SLC45A4: variants seen among roughly 807,000 people sequenced by gnomAD.
SLC45A4 encodes polyamine-transporter SLC45A4.
SLC45A4 carries 32 observed loss-of-function variants against 63.7 expected under a neutral mutation model. The ratio of observed to expected loss-of-function variants is 0.50; its 90% CI spans 0.38 to 0.67. SLC45A4 has a LOEUF of 0.67. Ranked by LOEUF, SLC45A4 falls within the 30% of genes least tolerant of loss-of-function variation. The probability of loss-of-function intolerance (pLI) is 0.00; values close to 1 mark genes in which losing one functional copy is unlikely to be tolerated. For synonymous variants in SLC45A4, 535 were observed against 510.0 expected, an observed-to-expected ratio of 1.05 and a Z score of -0.66; for missense variants, 1,027 against 1,157.7, an observed-to-expected ratio of 0.89 and a Z score of 1.64.
At chr8:141,283,959 A>AT (rs1830050945) in intron 1 of SLC45A4, among the ~76,000 whole-genome samples, 1 of 152,204 alleles carries the variant, frequency 6.6e-6, no homozygotes, top group Non-Finnish European at 1.5e-5. Context: ...TGTGGAGCTC[A>AT]TGCCACCTAA....
In SLC45A4 at chr8:141,211,295, G is replaced by T; in HGVS notation, c.*277C>A. 2.2e-6 allele frequency: 2 copies of T among 917,320 alleles called. No individual in the cohort carries two copies. Among genetic ancestry groups the T allele is most frequent in the Non-Finnish European group, 3.1e-6 (2 of 652,962 alleles). The allele number at this position is 917,320 out of a possible 1,614,324, so 56.8% of individuals were successfully genotyped here. A position where few individuals can be genotyped will look rare whatever the true frequency, so the allele number is the denominator to read the frequency against. ...AGGGGCAACCTGGCCTCCTAGGAGA[G>T]TCCTTCAGACGGGACGAGCGGGGTC... is the stretch of plus-strand genomic sequence containing the variant. On this transcript the variant is annotated 3_prime_UTR_variant, in exon 9 of 9. Transcript: ENST00000517878.
At chr8:141,231,519 C>G (rs527248518) in intron 2 of SLC45A4, among the ~76,000 whole-genome samples, 41 of 152,362 alleles carry the variant, frequency 2.7e-4, no homozygotes, top group Middle Eastern at 3.4e-3. Flanking sequence ...GCGCAGCTAC[C>G]TGGAGTCGGA....
At chr8:141,213,038 C>T (rs1825933296) in intron 7 of SLC45A4, among the ~76,000 whole-genome samples, 1 of 149,872 alleles carries the variant, frequency 6.7e-6, no homozygotes, top group African/African-American at 2.5e-5. Context: ...CACAAAGATA[C>T]AAAAGAAAAC....
intron 2 of SLC45A4, among the ~76,000 whole-genome samples, chr8:141,237,727 C>T (rs1827703196): frequency 6.6e-6 from 1 of 152,114 alleles, no homozygotes; most frequent in African/African-American, 2.4e-5. Context: ...AGGCCAGTGT[C>T]TCCTCTCAGC....
chr8:141,253,332 C>G (rs943858964), intron 2 of SLC45A4: 13 of 175,148 alleles, frequency 7.4e-5, no homozygotes, highest in African/African-American at 3.2e-4. Flanking sequence ...CCCACCTGTG[C>G]GTCTGTGATT....
In SLC45A4 at chr8:141,215,434, A is replaced by C. The variant is rs1309933105; in HGVS notation, c.1941+325T>G. On this transcript the variant is annotated intron_variant, in intron 7 of 8. Coordinates refer to ENST00000517878, the MANE Select transcript of SLC45A4 (RefSeq NM_001286646.2). The surrounding 1 kb of genome is among the most constrained non-coding windows in gnomAD (Gnocchi z 4.3). ...GGCTTTCCTCCCATCCAAGTGGAAA[A>C]CACGGGGCTGGAGCTTCCCCCTCAG... 1.3e-5 allele frequency among the ~76,000 whole-genome samples: 2 copies of C among 152,098 alleles called. No individual in the cohort carries two copies. Among genetic ancestry groups the C allele is most frequent in the Non-Finnish European group, 2.9e-5 (2 of 68,026 alleles).
At chr8:141,258,765 C>T (rs1263850016) in intron 1 of SLC45A4, among the ~76,000 whole-genome samples, 2 of 151,912 alleles carry the variant, frequency 1.3e-5, no homozygotes, top group South Asian at 2.1e-4. Context: ...ATGGTATGTG[C>T]CTATAGTCCC....
chr8:141,212,175 T>G, intron 8 of SLC45A4, 22 bp downstream of exon 8: 1 of 966,968 alleles, frequency 1.0e-6, no homozygotes, highest in Non-Finnish European at 1.3e-6. Context: ...GGAATGTGTG[T>G]AAACGGGAGT....
Position 141,229,098 on chromosome 8 carries a change from C to G in SLC45A4, c.242-7333G>C, listed in dbSNP as rs1038473819. Among the ~76,000 whole-genome samples, 1 of 152,180 alleles carries G rather than the reference C, an allele frequency of 6.6e-6. No individual in the cohort carries two copies. Among genetic ancestry groups the G allele is most frequent in the African/African-American group, 2.4e-5 (1 of 41,426 alleles). ...TCTGCCTGAAGTACTTTACCTTCCCCCCTTACCTGACATTCAATAACTGCT... is the reference window on the plus strand; with the variant it reads ...TCTGCCTGAAGTACTTTACCTTCCCGCCTTACCTGACATTCAATAACTGCT... On this transcript the variant is annotated intron_variant, in intron 2 of 8. Coordinates refer to ENST00000517878, the MANE Select transcript of SLC45A4 (RefSeq NM_001286646.2). This position sits in a 1 kb window ranked among gnomAD's most constrained non-coding sequence, Gnocchi z 5.0.
chr8:141,261,857 T>G (rs537957633), intron 1 of SLC45A4, among the ~76,000 whole-genome samples: 56 of 152,292 alleles, frequency 3.7e-4, no homozygotes, highest in Non-Finnish European at 7.3e-4. Flanking sequence ...TTTCTTCACA[T>G]AACTGGAAAA....
chr8:141,303,658 A>T (rs1221370348), intron 1 of SLC45A4, among the ~76,000 whole-genome samples: 2 of 152,214 alleles, frequency 1.3e-5, no homozygotes, highest in African/African-American at 2.4e-5. Context: ...CCCCAAGAGA[A>T]ACCTTGGGGC....
intron 1 of SLC45A4, among the ~76,000 whole-genome samples, chr8:141,294,421 C>T (rs564536733): frequency 2.6e-5 from 4 of 152,346 alleles, no homozygotes; most frequent in African/African-American, 4.8e-5. Context: ...CCCCAGCCCC[C>T]GCCTCACCAA....
chr8:141,307,065 G>A lies in SLC45A4; in HGVS notation c.-401+1031C>T, dbSNP rs766160048. On this transcript the variant is annotated intron_variant, in intron 1 of 8. Transcript: ENST00000517878. ...CACTGGAGAGACACAAACACCTCAG[G>A]CTCCTTAGGAGGTCAAGCGGCCCTT... is the stretch of plus-strand genomic sequence containing the variant. Among the ~76,000 whole-genome samples the A allele has an allele frequency of 4.7e-4, 72 of 152,162 alleles. 1 individual carries two copies. Among genetic ancestry groups the A allele is most frequent in the Non-Finnish European group, 1.0e-3 (69 of 68,030 alleles).
At chr8:141,217,236 C>T in intron 5 of SLC45A4, 47 bp from the exon 6 acceptor site, 2 of 1,589,282 alleles carry the variant, frequency 1.3e-6, no homozygotes, top group Non-Finnish European at 1.7e-6. Context: ...CTGCTGGGCC[C>T]TCCAGGCCAG....
At chr8:141,290,251 G>A (rs1381486640) in intron 1 of SLC45A4, among the ~76,000 whole-genome samples, 1 of 151,858 alleles carries the variant, frequency 6.6e-6, no homozygotes, top group Non-Finnish European at 1.5e-5. Flanking sequence ...CTCACCACAC[G>A]TGCAGGTATC....
chr8:141,233,989 C>T (rs545989939), intron 2 of SLC45A4, among the ~76,000 whole-genome samples: 3 of 152,308 alleles, frequency 2.0e-5, no homozygotes, highest in African/African-American at 2.4e-5. Context: ...GTTGAGTGTC[C>T]GTTTCCTGAT....
At chr8:141,237,936 T>C (rs1827712766) in intron 2 of SLC45A4, among the ~76,000 whole-genome samples, 1 of 152,264 alleles carries the variant, frequency 6.6e-6, no homozygotes, top group Admixed American at 6.5e-5. Flanking sequence ...GTTGACATTT[T>C]ATTGTTTAAA....
intron 2 of SLC45A4, among the ~76,000 whole-genome samples, chr8:141,248,579 T>A (rs1378681755): frequency 2.0e-5 from 3 of 151,524 alleles, no homozygotes; most frequent in Non-Finnish European, 4.4e-5. Context: ...AAAAAAATAA[T>A]AATAAATAAA....
intron 1 of SLC45A4, among the ~76,000 whole-genome samples, chr8:141,304,850 C>T (rs1185911573): frequency 2.0e-5 from 3 of 152,148 alleles, no homozygotes; most frequent in Non-Finnish European, 2.9e-5. Flanking sequence ...GTGGGTTATG[C>T]GGCTGCCCTC....
Sources: allele counts gnomAD v4.1 joint callset (sites outside exome capture counted in the v4.1 genomes callset), GRCh38; gene constraint gnomAD v4.1.1; non-coding constraint Gnocchi (gnomAD v3.1); transcripts MANE v1.5; gene names NCBI Gene and HGNC (gene_info 2026-07-23, HGNC 2026-07-21).